COPZ1: variants seen among roughly 807,000 people sequenced by gnomAD.
COPZ1 encodes coatomer subunit zeta-1.
A neutral mutation model predicts 31.7 loss-of-function variants in COPZ1; 4 were observed. That is an observed-to-expected ratio of 0.13 (90% CI 0.06 to 0.29). COPZ1 has a LOEUF of 0.29. Among genes scored for constraint, COPZ1 ranks in the 10% least tolerant of loss-of-function variants. The pLI is 1.00. For missense variants in COPZ1, 156 were observed against 211.5 expected (o/e 0.74, Z 1.63); for synonymous variants, 74 against 79.0 (o/e 0.94, Z 0.33).
rs993789210 is a variant in COPZ1 at position 54,350,600 on chromosome 12, A to G, written c.*77A>G. On this transcript the variant is annotated 3_prime_UTR_variant, in exon 9 of 9. Coordinates refer to ENST00000262061, the MANE Select transcript of COPZ1 (RefSeq NM_016057.3). The stretch of plus-strand genomic sequence containing the variant: ...CTGTGAATTTTCATCTAGTTCCCCA[A>G]TCGATGCTCTCAGGGTCATCTCGGG... 7.9e-6 allele frequency: 9 copies of G among 1,135,720 alleles called. No individual in the cohort carries two copies. Among genetic ancestry groups the G allele is most frequent in the Non-Finnish European group, 9.4e-6 (7 of 743,802 alleles). The allele number at this position is 1,135,720 out of a possible 1,614,324, so 70.4% of individuals were successfully genotyped here.
intron 2 of COPZ1, 123 bp downstream of exon 2, chr12:54,340,738 C>CTTTT: frequency 1.1e-6 from 1 of 912,730 alleles, no homozygotes. Flanking sequence ...ATACTTCCAT[C>CTTTT]TTTTTTTTTT....
intron 7 of COPZ1, 27 bp from the exon 8 acceptor site, chr12:54,349,593 C>A (rs369501115): frequency 1.4e-5 from 23 of 1,603,000 alleles, no homozygotes; most frequent in Non-Finnish European, 2.0e-5. Context: ...TTCTCCCACA[C>A]TAAATGCTTG....
At chr12:54,344,341 A>G (rs1157729422) in intron 4 of COPZ1, among the ~76,000 whole-genome samples, 2 of 152,236 alleles carry the variant, frequency 1.3e-5, no homozygotes, top group African/African-American at 4.8e-5. Context: ...GCACTTTGGG[A>G]GGCCGAGGCA....
chr12:54,334,773 C>T (rs1306825840), intron 1 of COPZ1, among the ~76,000 whole-genome samples: 3 of 151,966 alleles, frequency 2.0e-5, no homozygotes, highest in Non-Finnish European at 2.9e-5. Context: ...AGGAGAATGG[C>T]GTGAACCCGG....
chr12:54,341,949 G>A (rs1953978549), intron 2 of COPZ1, among the ~76,000 whole-genome samples: 1 of 152,222 alleles, frequency 6.6e-6, no homozygotes, highest in African/African-American at 2.4e-5. Context: ...TCACTGTAGG[G>A]CTGGTAGGCT....
At chr12:54,342,883 GTC>G (rs1277334492) in intron 3 of COPZ1, among the ~76,000 whole-genome samples, 2 of 133,394 alleles carry the variant, frequency 1.5e-5, no homozygotes, top group African/African-American at 5.8e-5. Context: ...TTGAGACAGA[GTC>G]TCTCTCTGTC....
At chr12:54,337,841 C>A (rs1953900611) in intron 1 of COPZ1, among the ~76,000 whole-genome samples, 1 of 152,224 alleles carries the variant, frequency 6.6e-6, no homozygotes, top group Non-Finnish European at 1.5e-5. Flanking sequence ...TCCTTGTCCT[C>A]CTTAGCCTGT....
At chr12:54,349,573 T>C in intron 7 of COPZ1, 47 bp from the exon 8 acceptor site, 1 of 1,507,522 alleles carries the variant, frequency 6.6e-7, no homozygotes, top group Non-Finnish European at 9.2e-7. Context: ...AATCAGGTCT[T>C]ACTCCAGCTT....
intron 8 of COPZ1, chr12:54,350,180 C>A (rs1026698997): frequency 2.5e-5 from 17 of 683,248 alleles, no homozygotes; most frequent in Non-Finnish European, 4.2e-5. Context: ...TTGTTACCCG[C>A]CCCCTGCCCG....
At position 54,345,724 on chromosome 12, in the gene COPZ1, A is replaced by G. The variant is rs577071218; in HGVS notation, c.317+209A>G. 7.2e-5 allele frequency among the ~76,000 whole-genome samples: 11 copies of G among 152,140 alleles called. No homozygotes were observed. In the South Asian group the frequency reaches 2.3e-3, roughly 32 times the overall value. ...CGTAATCCCAGTACTTTGGGAGGCC[A>G]AGGCGGGCGGATCATGAGGTCAGGA... is the stretch of plus-strand genomic sequence containing the variant. On this transcript the variant is annotated intron_variant, in intron 5 of 8. Transcript: ENST00000262061.
At chr12:54,333,539 C>T (rs1953797533) in intron 1 of COPZ1, among the ~76,000 whole-genome samples, 1 of 151,998 alleles carries the variant, frequency 6.6e-6, no homozygotes, top group African/African-American at 2.4e-5. Context: ...TGGCTGATCC[C>T]CATTATAGTA....
At chr12:54,343,476 C>T (rs1040623182) in intron 4 of COPZ1, among the ~76,000 whole-genome samples, 160 bp downstream of exon 4, 12 of 152,154 alleles carry the variant, frequency 7.9e-5, no homozygotes, top group African/African-American at 2.2e-4. Flanking sequence ...AAACATGGCC[C>T]GGCAAATGAA....
intron 1 of COPZ1, among the ~76,000 whole-genome samples, chr12:54,333,297 A>G (rs1953792127): frequency 6.6e-6 from 1 of 152,044 alleles, no homozygotes; most frequent in Non-Finnish European, 1.5e-5. Flanking sequence ...TTGTCCCCAC[A>G]TTGGCCTCCC....
intron 1 of COPZ1, among the ~76,000 whole-genome samples, chr12:54,331,377 C>T (rs1055648404): frequency 9.9e-5 from 15 of 152,040 alleles, no homozygotes; most frequent in African/African-American, 1.7e-4. Flanking sequence ...GACGGGGTTT[C>T]GCCATGTTGG....
chr12:54,327,577 GTGAGCCACCGTGCC>G (rs1309936887), intron 1 of COPZ1, among the ~76,000 whole-genome samples: 4 of 152,120 alleles, frequency 2.6e-5, no homozygotes, highest in African/African-American at 7.2e-5. Flanking sequence ...GATTATAGGA[GTGAGCCACCGTGCC>G]CGGCAGCAAG....
At chr12:54,349,280 C>T (rs1954109880) in intron 7 of COPZ1, among the ~76,000 whole-genome samples, 1 of 152,142 alleles carries the variant, frequency 6.6e-6, no homozygotes, top group Non-Finnish European at 1.5e-5. Context: ...TACTGATATT[C>T]AGAAAAGGCC....
chr12:54,335,719 T>C (rs919418335), intron 1 of COPZ1, among the ~76,000 whole-genome samples: 1 of 152,032 alleles, frequency 6.6e-6, no homozygotes, highest in Non-Finnish European at 1.5e-5. Context: ...TTGTGTAGGC[T>C]GGAGTGCAGT....
At chr12:54,328,692 A>G (rs1033027556) in intron 1 of COPZ1, among the ~76,000 whole-genome samples, 1 of 152,194 alleles carries the variant, frequency 6.6e-6, no homozygotes. Context: ...TCTATGCCTA[A>G]TAGGCTGCAT....
chr12:54,350,646 C>A lies in COPZ1; in HGVS notation c.*123C>A. The A allele has an allele frequency of 1.2e-6, 1 of 822,848 alleles. No individual in the cohort carries two copies. Among genetic ancestry groups the A allele is most frequent in the South Asian group, 1.4e-5 (1 of 72,302 alleles). 51.0% of individuals were successfully genotyped at this position (822,848 alleles called of 1,614,324 possible). A position where few individuals can be genotyped will look rare whatever the true frequency, so the allele number is the denominator to read the frequency against. Reference sequence around the variant, plus strand: ...TCGGGGATCACAGGGATCCTTAAATCTCCATTCTGTTTGTGGTTGCCCCCT... The same window carrying A: ...TCGGGGATCACAGGGATCCTTAAATATCCATTCTGTTTGTGGTTGCCCCCT... On this transcript the variant is annotated 3_prime_UTR_variant, in exon 9 of 9. Transcript: ENST00000262061.
Sources: gnomAD v4.1 joint callset for allele counts (sites outside exome capture counted in the v4.1 genomes callset) on GRCh38, gnomAD v4.1.1 for gene constraint, MANE v1.5 for transcripts, NCBI Gene and HGNC (gene_info 2026-07-23, HGNC 2026-07-21) for gene names.